Variants in SLC35F1 observed in about 807,000 individuals in gnomAD.
The protein encoded by SLC35F1 is chromosome 6 open reading frame 169.
SLC35F1 carries 14 observed loss-of-function variants against 48.7 expected under a neutral mutation model. The observed-to-expected ratio is 0.29, with a 90% confidence interval of 0.19 to 0.45. The LOEUF is 0.45. SLC35F1 is among the 20% of genes least tolerant of loss of function. The pLI is 1.00. For synonymous variants in SLC35F1, 190 were observed against 202.2 expected (o/e 0.94, Z 0.51); for missense variants, 404 against 500.0 (o/e 0.81, Z 1.83).
chr6:118,072,364 A>T (rs371933162), intron 1 of SLC35F1, among the ~76,000 whole-genome samples: 15 of 152,072 alleles, frequency 9.9e-5, no homozygotes, highest in East Asian at 7.7e-4. Context: ...GGAGATCGAG[A>T]CCATCCTGGC....
intron 4 of SLC35F1, among the ~76,000 whole-genome samples, chr6:118,271,914 A>G (rs1190853091): frequency 6.6e-6 from 1 of 152,182 alleles, no homozygotes; most frequent in Admixed American, 6.5e-5. Flanking sequence ...ATTTTATTTT[A>G]TTCTCACAGT....
intron 2 of SLC35F1, among the ~76,000 whole-genome samples, chr6:118,211,533 A>G (rs973627434): frequency 1.3e-5 from 2 of 152,264 alleles, no homozygotes; most frequent in African/African-American, 4.8e-5. Context: ...CAAAGAAACA[A>G]GTGACTGACA....
chr6:118,181,602 C>T (rs1163075135), intron 2 of SLC35F1, among the ~76,000 whole-genome samples: 2 of 151,892 alleles, frequency 1.3e-5, no homozygotes, highest in African/African-American at 4.8e-5. Context: ...AGAAATATAT[C>T]AGAAATCAGT....
At chr6:118,278,582 G>A (rs574281359) in intron 6 of SLC35F1, among the ~76,000 whole-genome samples, 3 of 152,118 alleles carry the variant, frequency 2.0e-5, no homozygotes, top group Non-Finnish European at 2.9e-5. Flanking sequence ...TAGTGACTTC[G>A]AGGGCTGACC....
In SLC35F1 at chr6:118,171,490, A is replaced by G. The variant is rs555548529; in HGVS notation, c.349+16870A>G. Among the ~76,000 whole-genome samples, 5 of 152,298 alleles carry G rather than the reference A, an allele frequency of 3.3e-5. No individual in the cohort carries two copies. In the South Asian group the frequency reaches 8.3e-4, roughly 25 times the overall value. On this transcript the variant is annotated intron_variant, in intron 2 of 7. Transcript: ENST00000360388. ...ATACATGTGAGTGTATCTTGTTTAC[A>G]TTTCTAAAAATAAATGCTGAGTCAA... is the stretch of plus-strand genomic sequence containing the variant.
chr6:118,070,902 C>CTA (rs71707789), intron 1 of SLC35F1, among the ~76,000 whole-genome samples: 1 of 129,762 alleles, frequency 7.7e-6, no homozygotes, highest in African/African-American at 3.0e-5. Context: ...AATATATATA[C>CTA]TATATATATA....
chr6:118,175,015 TAG>T (rs1346313409), intron 2 of SLC35F1, among the ~76,000 whole-genome samples: 4 of 152,268 alleles, frequency 2.6e-5, no homozygotes, highest in African/African-American at 7.2e-5. Flanking sequence ...ACCAGAGCTA[TAG>T]AAGTCGGAAG....
intron 1 of SLC35F1, among the ~76,000 whole-genome samples, chr6:117,923,630 TATATGTAC>T (rs1192953929): frequency 2.2e-5 from 2 of 90,818 alleles, no homozygotes; most frequent in Admixed American, 1.3e-4. Flanking sequence ...TATATATACA[TATATGTAC>T]ATATGTACAT....
chr6:118,252,218 G>A (rs1257932345), intron 3 of SLC35F1, among the ~76,000 whole-genome samples: 1 of 152,116 alleles, frequency 6.6e-6, no homozygotes, highest in Non-Finnish European at 1.5e-5. Context: ...TGACCTTTAA[G>A]GAGTAGAAGT....
At position 117,998,113 on chromosome 6, in the gene SLC35F1, G is replaced by A. The variant is rs545336661; in HGVS notation, c.173+90214G>A. 1.8e-4 allele frequency among the ~76,000 whole-genome samples: 27 copies of A among 149,434 alleles called. No individual in the cohort carries two copies. The East Asian group carries it at 4.9e-3, about 27-fold the overall frequency. The stretch of plus-strand genomic sequence containing the variant: ...AGCAAATGGAAAACAAAAAAAGGCA[G>A]GGGTTGCAATCCTATTCTCTGATAA... On this transcript the variant is annotated intron_variant, in intron 1 of 7. Coordinates refer to ENST00000360388, the MANE Select transcript of SLC35F1 (RefSeq NM_001029858.4).
intron 3 of SLC35F1, among the ~76,000 whole-genome samples, chr6:118,248,892 G>C (rs983806005): frequency 6.6e-6 from 1 of 152,126 alleles, no homozygotes; most frequent in Non-Finnish European, 1.5e-5. Flanking sequence ...TTTGGAGGTG[G>C]AGCCTTTGGG....
At chr6:118,125,922 C>A (rs1007257206) in intron 1 of SLC35F1, among the ~76,000 whole-genome samples, 15 of 152,144 alleles carry the variant, frequency 9.9e-5, no homozygotes, top group Admixed American at 4.6e-4. Flanking sequence ...CGTGGATAAT[C>A]GCTGTTCTTT....
chr6:118,000,927 C>T (rs1777083144), intron 1 of SLC35F1, among the ~76,000 whole-genome samples: 1 of 152,052 alleles, frequency 6.6e-6, no homozygotes, highest in Admixed American at 6.6e-5. Context: ...GAACTACAAA[C>T]CACTGCTCAA....
intron 1 of SLC35F1, among the ~76,000 whole-genome samples, chr6:117,981,492 G>A (rs1453952483): frequency 1.3e-5 from 2 of 151,744 alleles, no homozygotes; most frequent in Non-Finnish European, 1.5e-5. Context: ...CATGAGGGAG[G>A]ATTGAGGGAG....
intron 2 of SLC35F1, among the ~76,000 whole-genome samples, chr6:118,208,828 A>G (rs545817094): frequency 9.2e-5 from 14 of 152,298 alleles, no homozygotes; most frequent in African/African-American, 3.4e-4. Context: ...CTTCAGAAGC[A>G]GCCTCAGAAA....
At chr6:118,217,845 C>G (rs371121052) in intron 2 of SLC35F1, among the ~76,000 whole-genome samples, 2 of 152,118 alleles carry the variant, frequency 1.3e-5, no homozygotes, top group African/African-American at 4.8e-5. Context: ...TTTTCTCTCC[C>G]GGAAATTTCA....
At chr6:118,169,537 G>A (rs1774369159) in intron 2 of SLC35F1, among the ~76,000 whole-genome samples, 1 of 152,132 alleles carries the variant, frequency 6.6e-6, no homozygotes, top group Admixed American at 6.6e-5. Context: ...CCAACACTAT[G>A]AGACCCTTAC....
chr6:118,127,474 A>G (rs1223515826), intron 1 of SLC35F1, among the ~76,000 whole-genome samples: 2 of 151,998 alleles, frequency 1.3e-5, no homozygotes, highest in Non-Finnish European at 2.9e-5. Context: ...CGGCTTTGGT[A>G]TCAGGATGAT....
At chr6:117,908,728 T>G (rs1775727687) in intron 1 of SLC35F1, among the ~76,000 whole-genome samples, 1 of 152,234 alleles carries the variant, frequency 6.6e-6, no homozygotes, top group African/African-American at 2.4e-5. Flanking sequence ...TGAAAGGGAC[T>G]TTTTCTACTT....
Sources: gnomAD v4.1 joint callset for allele counts (sites outside exome capture counted in the v4.1 genomes callset) on GRCh38, gnomAD v4.1.1 for gene constraint, MANE v1.5 for transcripts, NCBI Gene and HGNC (gene_info 2026-07-23, HGNC 2026-07-21) for gene names.